The following CHST8 variants were observed in gnomAD, a reference collection of about 807,000 sequenced individuals.
The protein encoded by CHST8 is GALNAC-4-ST1.
Under a neutral mutation model 15.0 loss-of-function variants are expected in CHST8, and 10 were observed. That is an observed-to-expected ratio of 0.67 (90% CI 0.41 to 1.13). The LOEUF (loss-of-function observed/expected upper bound fraction) is 1.13. Ranked by LOEUF, CHST8 falls within the 50% of genes most tolerant of loss-of-function variation. The pLI is 0.00. For synonymous variants in CHST8, 259 were observed against 256.6 expected (o/e 1.01, Z -0.09); for missense variants, 634 against 608.2 (o/e 1.04, Z -0.45).
In CHST8 at chr19:33,772,159, C is replaced by A; in HGVS notation, c.371C>A (p.Thr124Asn). The change falls in exon 5 of 5, where the codon ACC becomes AAC. Residue 124 changes from threonine (T) to asparagine (N), a missense_variant. Transcript: ENST00000650847. ...LLIKKMPAAA[T>N]IPANSSDAPF... ...ATCAAGAAAATGCCAGCTGCGGCGA[C>A]CATCCCGGCCAACAGCTCGGACGCG... 1 of 1,601,948 alleles carries A rather than the reference C, an allele frequency of 6.2e-7. No homozygotes were observed. Among genetic ancestry groups the A allele is most frequent in the African/African-American group, 1.3e-5 (1 of 74,764 alleles).
chr19:33,694,716 A>G (rs1000498428), intron 3 of CHST8, among the ~76,000 whole-genome samples: 18 of 152,080 alleles, frequency 1.2e-4, no homozygotes, highest in Admixed American at 2.6e-4. Flanking sequence ...AGTAGCTGGG[A>G]TTACAGCTGT....
intron 3 of CHST8, among the ~76,000 whole-genome samples, chr19:33,757,331 A>G: frequency 6.7e-6 from 1 of 148,674 alleles, no homozygotes; most frequent in East Asian, 2.0e-4. Context: ...AGTGAGCCAA[A>G]ACCATGCCAC....
intron 2 of CHST8, among the ~76,000 whole-genome samples, chr19:33,672,011 CTGTATGTATG>C (rs1377167940): frequency 6.6e-6 from 1 of 151,598 alleles, no homozygotes; most frequent in Admixed American, 6.6e-5. Flanking sequence ...TGTTATTTAC[CTGTATGTATG>C]TGTATGTATG....
chr19:33,641,474 C>T (rs564801746), intron 1 of CHST8, among the ~76,000 whole-genome samples: 1 of 152,322 alleles, frequency 6.6e-6, no homozygotes, highest in South Asian at 2.1e-4. Flanking sequence ...TGAGCTGCCA[C>T]ACCTCAGCTT....
intron 1 of CHST8, among the ~76,000 whole-genome samples, chr19:33,636,852 G>C (rs946581433): frequency 1.3e-5 from 2 of 152,190 alleles, no homozygotes; most frequent in African/African-American, 2.4e-5. Context: ...AGTGAGCCGA[G>C]ATCGCGCCAT....
At chr19:33,761,230 C>T (rs533275419) in intron 3 of CHST8, among the ~76,000 whole-genome samples, 158 of 152,286 alleles carry the variant, frequency 1.0e-3, no homozygotes, top group Non-Finnish European at 1.8e-3. Context: ...CAGCCAGGCA[C>T]GGTGGCTTAT....
intron 1 of CHST8, among the ~76,000 whole-genome samples, chr19:33,637,159 G>C (rs1314447521): frequency 1.3e-5 from 2 of 152,130 alleles, no homozygotes; most frequent in Non-Finnish European, 2.9e-5. Flanking sequence ...TCTTGGTTTT[G>C]GTAGCTTTTG....
intron 1 of CHST8, among the ~76,000 whole-genome samples, chr19:33,660,385 T>G (rs1389348430): frequency 6.6e-6 from 1 of 152,134 alleles, no homozygotes; most frequent in Non-Finnish European, 1.5e-5. Flanking sequence ...CCAGCCCCCT[T>G]GATGCCGTTC....
At position 33,692,274 on chromosome 19, in the gene CHST8, C is replaced by G. The variant is rs367898722; in HGVS notation, c.130+2883C>G. Among the ~76,000 whole-genome samples the G allele has an allele frequency of 4.6e-5, 7 of 152,340 alleles. No individual in the cohort carries two copies. In the South Asian group the frequency reaches 1.4e-3, roughly 32 times the overall value. On this transcript the variant is annotated intron_variant, in intron 3 of 4. Coordinates refer to ENST00000650847, the MANE Select transcript of CHST8 (RefSeq NM_001127895.2). ...TCACTTCTCCAGTTATAATTCTTTT[C>G]CAGTCTCCAGGATTGCCAGGCCCTG...
intron 1 of CHST8, among the ~76,000 whole-genome samples, chr19:33,645,294 G>A (rs533877751): frequency 1.3e-5 from 2 of 152,274 alleles, no homozygotes; most frequent in African/African-American, 4.8e-5. Flanking sequence ...TAGGAAATTC[G>A]ACTTTACTCT....
intron 1 of CHST8, among the ~76,000 whole-genome samples, chr19:33,639,533 G>C (rs934961515): frequency 3.9e-5 from 6 of 152,218 alleles, no homozygotes; most frequent in Non-Finnish European, 8.8e-5. Context: ...AGGATTAATG[G>C]TAAGGTCATG....
chr19:33,732,308 G>C (rs1312576731), intron 3 of CHST8, among the ~76,000 whole-genome samples: 1 of 152,106 alleles, frequency 6.6e-6, no homozygotes, highest in African/African-American at 2.4e-5. Flanking sequence ...TTTGCCCCCA[G>C]CTGGGCTGTA....
At chr19:33,754,569 C>T (rs1005908636) in intron 3 of CHST8, among the ~76,000 whole-genome samples, 4 of 152,162 alleles carry the variant, frequency 2.6e-5, no homozygotes, top group Non-Finnish European at 5.9e-5. Flanking sequence ...TCATCCTCTC[C>T]CAGACGTCCA....
intron 3 of CHST8, among the ~76,000 whole-genome samples, chr19:33,699,361 A>G (rs1212975295): frequency 6.6e-6 from 1 of 152,144 alleles, no homozygotes; most frequent in Non-Finnish European, 1.5e-5. Flanking sequence ...GGGGCAGTGG[A>G]GGGGAGACCT....
At chr19:33,744,836 C>T (rs894608501) in intron 3 of CHST8, among the ~76,000 whole-genome samples, 2 of 152,154 alleles carry the variant, frequency 1.3e-5, no homozygotes, top group African/African-American at 2.4e-5. Flanking sequence ...GCAACCTCCA[C>T]CTCCCGGGTT....
intron 1 of CHST8, among the ~76,000 whole-genome samples, chr19:33,663,041 G>A (rs1307356084): frequency 6.6e-6 from 1 of 152,196 alleles, no homozygotes; most frequent in South Asian, 2.1e-4. Flanking sequence ...GATGGTGTCT[G>A]TGTTGTAGAG....
intron 3 of CHST8, among the ~76,000 whole-genome samples, chr19:33,767,830 G>A (rs1273130833): frequency 6.6e-6 from 1 of 152,208 alleles, no homozygotes; most frequent in African/African-American, 2.4e-5. Context: ...TTGGATGGAA[G>A]AGGAGGTGGG....
chr19:33,648,883 C>T (rs905125810), intron 1 of CHST8, among the ~76,000 whole-genome samples: 1 of 138,582 alleles, frequency 7.2e-6, no homozygotes, highest in Non-Finnish European at 1.5e-5. Flanking sequence ...ATTATTCAGG[C>T]GTAAAAAGGA....
chr19:33,650,174 G>A (rs983214003), intron 1 of CHST8, among the ~76,000 whole-genome samples: 1 of 152,148 alleles, frequency 6.6e-6, no homozygotes, highest in African/African-American at 2.4e-5. Flanking sequence ...TCTTAGGAGA[G>A]GAAGTCTAAC....
Sources: allele counts gnomAD v4.1 joint callset (sites outside exome capture counted in the v4.1 genomes callset), GRCh38; gene constraint gnomAD v4.1.1; transcripts MANE v1.5; gene names NCBI Gene and HGNC (gene_info 2026-07-23, HGNC 2026-07-21).